ORAI2: variants seen among roughly 807,000 people sequenced by gnomAD.
The protein encoded by ORAI2 is ORAI calcium release-activated calcium modulator 2, also known as protein orai-2.
In ORAI2, 10 loss-of-function variants were observed where a neutral mutation model predicts 16.2. That is an observed-to-expected ratio of 0.62 (90% confidence interval 0.38 to 1.04). The LOEUF is 1.04. Ranked by LOEUF, ORAI2 falls within the 50% of genes least tolerant of loss-of-function variation. The probability of loss-of-function intolerance (pLI) is 0.01; values close to 1 mark genes in which losing one functional copy is unlikely to be tolerated. For synonymous variants in ORAI2, 150 were observed against 157.5 expected, an observed-to-expected ratio of 0.95 and a Z score of 0.35; for missense variants, 238 against 355.5, an observed-to-expected ratio of 0.67 and a Z score of 2.66.
In ORAI2 at chr7:102,442,366, G is replaced by A. The variant is rs778036630; in HGVS notation, c.225+3185G>A. Among the ~76,000 whole-genome samples, 6 of 152,116 alleles carry A rather than the reference G, an allele frequency of 3.9e-5. No homozygotes were observed. In the East Asian group the frequency reaches 9.7e-4, roughly 25 times the overall value. On this transcript the variant is annotated intron_variant, in intron 3 of 3. Coordinates refer to ENST00000495936, the MANE Select transcript of ORAI2 (RefSeq NM_001126340.3). ...TCAGGAGTTGGAGACCAGCCTGGCC[G>A]ATCTGGTGAAACACTGTCTCTACTA...
intron 2 of ORAI2, among the ~76,000 whole-genome samples, chr7:102,436,965 GC>G (rs1586707557): frequency 6.6e-6 from 1 of 152,324 alleles, no homozygotes; most frequent in East Asian, 1.9e-4. Context: ...ACCACAAGAT[GC>G]CTGTGCCCTT....
rs1796985016 is a variant in ORAI2 at position 102,433,752 on chromosome 7, G to C, written c.-123+91G>C. On this transcript the variant is annotated intron_variant, in intron 1 of 3. Transcript: ENST00000495936. This position sits in a 1 kb window ranked among gnomAD's most constrained non-coding sequence, Gnocchi z 4.6. ...TGGACCGGGGACGCTCGGCGGGGAA[G>C]GGGACGACTGTAGGCTGCCCGGGCG... The C allele has an allele frequency of 6.6e-6, 1 of 152,258 alleles. No homozygotes were observed. The highest frequency in any genetic ancestry group is 1.5e-5 in the Non-Finnish European group (1 of 68,190). 9.4% of individuals were successfully genotyped at this position (152,258 alleles called of 1,614,324 possible). A position where few individuals can be genotyped will look rare whatever the true frequency, so the allele number is the denominator to read the frequency against.
chr7:102,444,058 TA>T (rs1447198150), intron 3 of ORAI2, among the ~76,000 whole-genome samples: 1 of 152,058 alleles, frequency 6.6e-6, no homozygotes, highest in African/African-American at 2.4e-5. Context: ...AATGAGCTGC[TA>T]AGAGGTGGCA....
chr7:102,449,541 A>G lies in ORAI2; in HGVS notation c.*2489A>G, dbSNP rs1177554565. The G allele has an allele frequency of 6.6e-6, 1 of 152,010 alleles. No individual in the cohort carries two copies. Among genetic ancestry groups the G allele is most frequent in the Admixed American group, 6.6e-5 (1 of 15,252 alleles). 9.4% of individuals were successfully genotyped at this position (152,010 alleles called of 1,614,324 possible). On this transcript the variant is annotated 3_prime_UTR_variant, in exon 4 of 4. Coordinates refer to ENST00000495936, the MANE Select transcript of ORAI2 (RefSeq NM_001126340.3). ...GCAACAACATGGTGAAACCATCTCT[A>G]GCAAAAATACAAAAAATTAGCCGGG...
chr7:102,444,857 G>A (rs563385676), intron 3 of ORAI2, among the ~76,000 whole-genome samples: 1 of 151,400 alleles, frequency 6.6e-6, no homozygotes, highest in African/African-American at 2.4e-5. Context: ...AGTAAAGACG[G>A]GGTTTCACCA....
intron 3 of ORAI2, among the ~76,000 whole-genome samples, chr7:102,440,689 C>T (rs1319076214): frequency 6.6e-6 from 1 of 151,816 alleles, no homozygotes; most frequent in Non-Finnish European, 1.5e-5. Context: ...CACGTGCCAC[C>T]ATGCCTGGCT....
intron 2 of ORAI2, 100 bp from the exon 3 acceptor site, chr7:102,438,844 C>A: frequency 9.3e-7 from 1 of 1,071,330 alleles, no homozygotes; most frequent in Non-Finnish European, 1.4e-6. Flanking sequence ...CTGGCGTGGG[C>A]TGTATATGGC....
chr7:102,446,593 G>C lies in ORAI2; in HGVS notation c.306G>C (p.Thr102=). The part of the protein sequence containing the change: ...PLLIAFSACT[T]VLVAVHLFAL... ...TGATTGCCTTCAGCGCCTGCACCAC[G>C]GTGCTGGTGGCCGTGCACCTGTTCG... The change falls in exon 4 of 4, where the codon ACG becomes ACC. Residue 102 remains threonine (T), a synonymous_variant. Coordinates refer to ENST00000495936, the MANE Select transcript of ORAI2 (RefSeq NM_001126340.3). 1.2e-6 allele frequency: 2 copies of C among 1,613,736 alleles called. No homozygotes were observed. Among genetic ancestry groups the C allele is most frequent in the Non-Finnish European group, 1.7e-6 (2 of 1,180,014 alleles).
rs1373144998 is a variant in ORAI2 at position 102,448,569 on chromosome 7, G to A, written c.*1517G>A. The A allele has an allele frequency of 6.6e-6, 1 of 152,202 alleles. No individual in the cohort carries two copies. Among genetic ancestry groups the A allele is most frequent in the African/African-American group, 2.4e-5 (1 of 41,414 alleles). The allele number at this position is 152,202 out of a possible 1,614,324, so 9.4% of individuals were successfully genotyped here. A position where few individuals can be genotyped will look rare whatever the true frequency, so the allele number is the denominator to read the frequency against. On this transcript the variant is annotated 3_prime_UTR_variant, in exon 4 of 4. Transcript: ENST00000495936. ...CTAAAAAAATACAGAAAATTAGCTG[G>A]GCGTGGTGGCGGGCGCCTGTAGCCC...
At chr7:102,446,227 G>A (rs1038377712) in intron 3 of ORAI2, among the ~76,000 whole-genome samples, 9 of 152,260 alleles carry the variant, frequency 5.9e-5, no homozygotes, top group Non-Finnish European at 1.0e-4. Flanking sequence ...GGGATTATAG[G>A]CGTGAGCGAC....
chr7:102,442,282 A>G (rs928203889), intron 3 of ORAI2, among the ~76,000 whole-genome samples: 1 of 151,684 alleles, frequency 6.6e-6, no homozygotes, highest in African/African-American at 2.4e-5. Flanking sequence ...GCCGGGCGCC[A>G]TGGTTCATGC....
Position 102,439,028 on chromosome 7 carries a change from G to A in ORAI2, c.72G>A (p.Met24Ile), listed in dbSNP as rs748442406. Residue 24 changes from methionine (M) to isoleucine (I), a missense_variant, in exon 3 of 4, where the codon ATG becomes ATA. By Grantham distance (10) the Met-to-Ile change is conservative (BLOSUM62 1). This residue lies in a region of ORAI2 where 61 missense variants were observed against 72.7 expected (regional missense o/e 0.84). Coordinates refer to ENST00000495936, the MANE Select transcript of ORAI2 (RefSeq NM_001126340.3). ...GCCCTGAGCCCGGCCATAAGGGCATGGATTACCGGGACTGGGTCCGCCGCA... is the reference window on the plus strand; with the variant it reads ...GCCCTGAGCCCGGCCATAAGGGCATAGATTACCGGGACTGGGTCCGCCGCA... ...PACPEPGHKG[M>I]DYRDWVRRSY... 1.2e-6 allele frequency: 2 copies of A among 1,613,920 alleles called. No homozygotes were observed. The highest frequency in any genetic ancestry group is 2.7e-5 in the African/African-American group (2 of 74,930).
rs1797625077 is a variant in ORAI2, at chr7:102,455,555, T to C, written c.*8503T>C. The C allele has an allele frequency of 6.6e-6, 1 of 152,250 alleles. No homozygotes were observed. Among genetic ancestry groups the C allele is most frequent in the Non-Finnish European group, 1.5e-5 (1 of 68,068 alleles). 9.4% of individuals were successfully genotyped at this position (152,250 alleles called of 1,614,324 possible). A position where few individuals can be genotyped will look rare whatever the true frequency, so the allele number is the denominator to read the frequency against. On this transcript the variant is annotated 3_prime_UTR_variant, in exon 4 of 4. Transcript: ENST00000495936. Reference sequence around the variant, plus strand: ...TCTATGTGCATCGTTCTCCAGATGTTGGAGCATCCTGCAGGGGCCAGCCCA... The same window carrying C: ...TCTATGTGCATCGTTCTCCAGATGTCGGAGCATCCTGCAGGGGCCAGCCCA...
chr7:102,434,121 C>CAAAAAAAAA (rs55642836), intron 1 of ORAI2, among the ~76,000 whole-genome samples: 2 of 67,004 alleles, frequency 3.0e-5, no homozygotes, highest in African/African-American at 5.6e-5. Flanking sequence ...CTCATTAAAG[C>CAAAAAAAAA]AAAAAAAAAA....
intron 2 of ORAI2, among the ~76,000 whole-genome samples, chr7:102,438,217 G>A (rs1393045806): frequency 2.0e-5 from 3 of 149,996 alleles, no homozygotes; most frequent in Non-Finnish European, 3.0e-5. Flanking sequence ...CTATGGTGGC[G>A]GGCGTCTGTA....
At position 102,436,925 on chromosome 7, in the gene ORAI2, G is replaced by A. The variant is rs114770279; in HGVS notation, c.-14+592G>A. Among the ~76,000 whole-genome samples, 655 of 152,284 alleles carry A rather than the reference G, an allele frequency of 4.3e-3. 4 individuals are homozygous for A. Among genetic ancestry groups the A allele is most frequent in the African/African-American group, 0.015 (619 of 41,570 alleles). ...AGGGTTTCACCATGTTGGCCAGGCT[G>A]GAAAAGTCACTCTTTTTGATGTCAA... On this transcript the variant is annotated intron_variant, in intron 2 of 3. Coordinates refer to ENST00000495936, the MANE Select transcript of ORAI2 (RefSeq NM_001126340.3).
At position 102,436,345 on chromosome 7, in the gene ORAI2, C is replaced by T. The variant is rs779928995; in HGVS notation, c.-14+12C>T. 2 of 985,228 alleles carry T rather than the reference C, an allele frequency of 2.0e-6. No individual in the cohort carries two copies. The highest frequency in any genetic ancestry group is 1.2e-4 in the Admixed American group (2 of 16,244). 61.0% of individuals were successfully genotyped at this position (985,228 alleles called of 1,614,324 possible). On this transcript the variant is annotated intron_variant, in intron 2 of 3. Transcript: ENST00000495936. ...GTATAAATGACCTGGTAATTGGCAT[C>T]CCCTGGCAGAAATAGCACAGAACTG... is the stretch of plus-strand genomic sequence containing the variant.
chr7:102,436,652 T>G (rs773734749), intron 2 of ORAI2, among the ~76,000 whole-genome samples: 1 of 152,158 alleles, frequency 6.6e-6, no homozygotes. Flanking sequence ...TGACATAGAC[T>G]TTCCGTGGGG....
intron 3 of ORAI2, among the ~76,000 whole-genome samples, chr7:102,443,350 C>T (rs1035045656): frequency 6.0e-5 from 9 of 149,530 alleles, no homozygotes; most frequent in African/African-American, 1.5e-4. Flanking sequence ...GCGATCTCGG[C>T]TCACTGCAAA....
Sources: gnomAD v4.1 joint callset for allele counts (sites outside exome capture counted in the v4.1 genomes callset) on GRCh38, gnomAD v4.1.1 for gene constraint, gnomAD v4.1.1 regional missense constraint, Gnocchi (gnomAD v3.1) non-coding constraint, MANE v1.5 for transcripts, NCBI Gene and HGNC (gene_info 2026-07-23, HGNC 2026-07-21) for gene names.